DESI2: variants seen among roughly 807,000 people sequenced by gnomAD.
The protein encoded by DESI2 is desumoylating isopeptidase 2.
Under a neutral mutation model 24.1 loss-of-function variants are expected in DESI2, and 10 were observed. The ratio of observed to expected loss-of-function variants is 0.41; its 90% CI spans 0.26 to 0.70. DESI2 has a LOEUF of 0.70. Among genes scored for constraint, DESI2 ranks in the 30% least tolerant of loss-of-function variants. The pLI is 0.29. For missense variants in DESI2, 122 were observed against 234.9 expected, an observed-to-expected ratio of 0.52 and a Z score of 3.14; for synonymous variants, 71 against 87.7, an observed-to-expected ratio of 0.81 and a Z score of 1.06.
At chr1:244,659,102 T>C (rs974795371) in intron 1 of DESI2, among the ~76,000 whole-genome samples, 1 of 150,720 alleles carries the variant, frequency 6.6e-6, no homozygotes, top group Non-Finnish European at 1.5e-5. Flanking sequence ...CTTGGGCAAA[T>C]AGTGACCCAT....
At chr1:244,663,375 A>G (rs1171410332) in intron 1 of DESI2, among the ~76,000 whole-genome samples, 1 of 151,842 alleles carries the variant, frequency 6.6e-6, no homozygotes, top group Non-Finnish European at 1.5e-5. Context: ...ACGGGGTTTC[A>G]CCATGTTAGC....
chr1:244,694,927 A>G (rs1447517189), intron 4 of DESI2, among the ~76,000 whole-genome samples: 2 of 152,252 alleles, frequency 1.3e-5, no homozygotes, highest in African/African-American at 2.4e-5. Flanking sequence ...TCTGCAAGAT[A>G]GGTCCCTTCG....
intron 1 of DESI2, among the ~76,000 whole-genome samples, chr1:244,681,548 T>C (rs1485675571): frequency 6.6e-6 from 1 of 152,206 alleles, no homozygotes; most frequent in Non-Finnish European, 1.5e-5. Flanking sequence ...TCATCAGGCA[T>C]TTGTTAGATT....
intron 1 of DESI2, among the ~76,000 whole-genome samples, chr1:244,668,953 C>T (rs1388749788): frequency 6.6e-6 from 1 of 152,076 alleles, no homozygotes; most frequent in Non-Finnish European, 1.5e-5. Context: ...ATTTTTTTCT[C>T]TTCCCTTTTA....
At chr1:244,705,195 C>T (rs1264667769) in intron 4 of DESI2, among the ~76,000 whole-genome samples, 1 of 152,166 alleles carries the variant, frequency 6.6e-6, no homozygotes, top group Non-Finnish European at 1.5e-5. Flanking sequence ...GCTTCTATTA[C>T]TCTAATAATA....
chr1:244,697,476 CAAAA>C (rs60674613), intron 4 of DESI2, among the ~76,000 whole-genome samples: 15 of 119,076 alleles, frequency 1.3e-4, no homozygotes, highest in Non-Finnish European at 1.4e-4. Context: ...GCCTCTGTCT[CAAAA>C]AAAAAAAAAA....
intron 1 of DESI2, among the ~76,000 whole-genome samples, chr1:244,665,750 A>G (rs1455768124): frequency 2.0e-5 from 3 of 152,264 alleles, no homozygotes; most frequent in African/African-American, 7.2e-5. Flanking sequence ...GGCTCCAGAC[A>G]AGCTGCAACA....
chr1:244,671,997 T>A (rs1676263568), intron 1 of DESI2, among the ~76,000 whole-genome samples: 1 of 152,148 alleles, frequency 6.6e-6, no homozygotes, highest in East Asian at 1.9e-4. Context: ...AAAACCAAGT[T>A]ACATGATTTG....
intron 4 of DESI2, among the ~76,000 whole-genome samples, chr1:244,703,392 G>C (rs1362606700): frequency 6.6e-6 from 1 of 152,006 alleles, no homozygotes; most frequent in Non-Finnish European, 1.5e-5. Flanking sequence ...ATCTCACTTT[G>C]TCATCCAGGC....
Position 244,684,180 on chromosome 1 carries a change from CTATAG to C in DESI2, c.43-2412_43-2408del, listed in dbSNP as rs370535470. 4.9e-3 allele frequency among the ~76,000 whole-genome samples: 752 copies of C among 152,114 alleles called. 3 individuals are homozygous for C. Among genetic ancestry groups the C allele is most frequent in the African/African-American group, 0.017 (722 of 41,480 alleles). ...TTTATATGTGCAACCTATTCTTTTA[CTATAG>C]TATAAAGATTCAAATAAATAAAAAC... On this transcript the variant is annotated intron_variant, in intron 1 of 4. Coordinates refer to ENST00000302550, the MANE Select transcript of DESI2 (RefSeq NM_016076.5).
chr1:244,686,751 C>CT (rs879886963), intron 2 of DESI2, 82 bp downstream of exon 2: 22 of 805,174 alleles, frequency 2.7e-5, no homozygotes, highest in Non-Finnish European at 3.9e-5. Flanking sequence ...ATAGGTCTCT[C>CT]TTTTTTTAAC....
rs1240131475 is a variant in DESI2, at chr1:244,706,881, AATC to A, written c.*1095_*1097del. On this transcript the variant is annotated 3_prime_UTR_variant, in exon 5 of 5. Transcript: ENST00000302550. ...TAGTCTCATTGACCAATCGTTAAAA[AATC>A]ATATTTGTGTGTCTTAAGATTCATA... The A allele has an allele frequency of 1.3e-5, 2 of 152,644 alleles. No individual in the cohort carries two copies. Among genetic ancestry groups the A allele is most frequent in the Admixed American group, 6.5e-5 (1 of 15,284 alleles). 9.5% of individuals were successfully genotyped at this position (152,644 alleles called of 1,614,324 possible). A position where few individuals can be genotyped will look rare whatever the true frequency, so the allele number is the denominator to read the frequency against.
intron 4 of DESI2, among the ~76,000 whole-genome samples, chr1:244,703,204 G>A (rs933957963): frequency 6.6e-6 from 1 of 152,012 alleles, no homozygotes; most frequent in African/African-American, 2.4e-5. Context: ...GTTTCACTAT[G>A]TTGGCCAGGC....
At chr1:244,669,521 A>C (rs899970388) in intron 1 of DESI2, among the ~76,000 whole-genome samples, 4 of 152,050 alleles carry the variant, frequency 2.6e-5, no homozygotes, top group Non-Finnish European at 2.9e-5. Flanking sequence ...ACTACTAAAA[A>C]TACAAAATTA....
At chr1:244,670,845 C>G (rs12724970) in intron 1 of DESI2, among the ~76,000 whole-genome samples, 36,384 of 152,130 alleles carry the variant, frequency 0.24, 4,393 homozygotes, top group South Asian at 0.33. Flanking sequence ...GCCGCCTTCA[C>G]TACAGTCCAA....
rs749303164 is a variant in DESI2 at position 244,701,930 on chromosome 1, GTACA to G, written c.352-3620_352-3617del. ...AAAAAGTGTTGTAATGAATAACCCTGTACATACATCTTTTTATTTTTACCACTAT... is the reference window on the plus strand; with the variant it reads ...AAAAAGTGTTGTAATGAATAACCCTGTACATCTTTTTATTTTTACCACTAT... On this transcript the variant is annotated intron_variant, in intron 4 of 4. Transcript: ENST00000302550. Among the ~76,000 whole-genome samples, 132 of 152,244 alleles carry G rather than the reference GTACA, an allele frequency of 8.7e-4. 2 individuals are homozygous for G. The highest frequency in any genetic ancestry group is 3.4e-3 in the Middle Eastern group (1 of 294).
chr1:244,702,270 T>C (rs1157173069), intron 4 of DESI2, among the ~76,000 whole-genome samples: 1 of 152,178 alleles, frequency 6.6e-6, no homozygotes, highest in Admixed American at 6.5e-5. Context: ...TCCCGACACT[T>C]TGGGAGGCTG....
At chr1:244,694,604 G>A (rs768387906) in intron 4 of DESI2, 7 of 848,852 alleles carry the variant, frequency 8.2e-6, no homozygotes, top group Admixed American at 3.4e-5. Flanking sequence ...TGCGCTTGGC[G>A]GGGTAGCCAC....
chr1:244,692,666 G>A (rs1284418663), intron 4 of DESI2, among the ~76,000 whole-genome samples: 2 of 152,186 alleles, frequency 1.3e-5, no homozygotes, highest in African/African-American at 4.8e-5. Flanking sequence ...GTGTAAAGGA[G>A]AGAACGAGCT....
Sources: allele counts gnomAD v4.1 joint callset (sites outside exome capture counted in the v4.1 genomes callset), GRCh38; gene constraint gnomAD v4.1.1; transcripts MANE v1.5; gene names NCBI Gene and HGNC (gene_info 2026-07-23, HGNC 2026-07-21).